GALNT17: variants seen among roughly 807,000 people sequenced by gnomAD.
The protein encoded by GALNT17 is UDP-GalNAc:polypeptide N-acetylgalactosaminyltransferase-like 3.
GALNT17 carries 29 observed loss-of-function variants against 63.7 expected under a neutral mutation model. That is an observed-to-expected ratio of 0.46 (90% confidence interval 0.34 to 0.62). The LOEUF is 0.62. Ranked by LOEUF, GALNT17 falls within the 20% of genes least tolerant of loss-of-function variation. The pLI, the probability that GALNT17 is intolerant of heterozygous loss-of-function variation, is 0.01. For synonymous variants in GALNT17, 305 were observed against 318.3 expected, an observed-to-expected ratio of 0.96 and a Z score of 0.45; for missense variants, 603 against 799.6, an observed-to-expected ratio of 0.75 and a Z score of 2.97.
chr7:71,672,208 A>G (rs1237378935), intron 8 of GALNT17, among the ~76,000 whole-genome samples: 1 of 152,194 alleles, frequency 6.6e-6, no homozygotes, highest in Non-Finnish European at 1.5e-5. Flanking sequence ...CTAAGACAAT[A>G]AGACAATTGG....
intron 4 of GALNT17, among the ~76,000 whole-genome samples, chr7:71,418,720 G>A (rs1786597614): frequency 6.6e-6 from 1 of 152,150 alleles, no homozygotes; most frequent in South Asian, 2.1e-4. Context: ...CTGGTAATAG[G>A]CAGGACATCC....
chr7:71,436,586 G>A (rs1786967137), intron 5 of GALNT17, among the ~76,000 whole-genome samples: 1 of 151,862 alleles, frequency 6.6e-6, no homozygotes, highest in Non-Finnish European at 1.5e-5. Context: ...AGGGATCGTG[G>A]CGGGCGCCTG....
chr7:71,399,329 C>T (rs574127143), intron 3 of GALNT17, among the ~76,000 whole-genome samples: 1 of 152,272 alleles, frequency 6.6e-6, no homozygotes, highest in South Asian at 2.1e-4. Context: ...TCTGGTCTGT[C>T]CATTTTACCC....
intron 1 of GALNT17, among the ~76,000 whole-genome samples, chr7:71,170,683 G>T (rs1170590542): frequency 1.3e-5 from 2 of 152,052 alleles, no homozygotes; most frequent in Non-Finnish European, 2.9e-5. Flanking sequence ...GAGTGTGTGT[G>T]TACATGTGTG....
At chr7:71,662,354 C>G (rs1790921770) in intron 6 of GALNT17, among the ~76,000 whole-genome samples, 1 of 152,056 alleles carries the variant, frequency 6.6e-6, no homozygotes. Flanking sequence ...GTCTGTCTGT[C>G]TATCTATCAT....
chr7:71,658,323 A>G (rs1790859627), intron 6 of GALNT17, among the ~76,000 whole-genome samples: 1 of 152,184 alleles, frequency 6.6e-6, no homozygotes. Flanking sequence ...ATCAATCCCC[A>G]TTGACATTCA....
intron 5 of GALNT17, among the ~76,000 whole-genome samples, chr7:71,522,170 C>T (rs1050687923): frequency 1.8e-4 from 27 of 152,104 alleles, no homozygotes; most frequent in Admixed American, 1.3e-3. Context: ...GTGCTGGAAA[C>T]GCACAGGGCT....
intron 6 of GALNT17, among the ~76,000 whole-genome samples, chr7:71,649,645 A>T (rs1213580716): frequency 6.6e-6 from 1 of 151,578 alleles, no homozygotes; most frequent in East Asian, 1.9e-4. Flanking sequence ...ACACACACAC[A>T]TACACACCTT....
chr7:71,273,262 T>C (rs1303883630), intron 1 of GALNT17, among the ~76,000 whole-genome samples: 2 of 152,216 alleles, frequency 1.3e-5, no homozygotes, highest in Non-Finnish European at 1.5e-5. Flanking sequence ...TGAAATGTTA[T>C]TGTAGACCTT....
chr7:71,318,882 C>G (rs1791549794), intron 1 of GALNT17, among the ~76,000 whole-genome samples: 1 of 152,146 alleles, frequency 6.6e-6, no homozygotes, highest in Admixed American at 6.5e-5. Flanking sequence ...CAGAGAGGAG[C>G]ATAGAATCCA....
At chr7:71,194,894 G>A (rs1789018503) in intron 1 of GALNT17, among the ~76,000 whole-genome samples, 1 of 152,142 alleles carries the variant, frequency 6.6e-6, no homozygotes, top group South Asian at 2.1e-4. Flanking sequence ...GAAATGGGGG[G>A]ACTGCCCCGG....
chr7:71,166,605 T>C (rs1023159878), intron 1 of GALNT17, among the ~76,000 whole-genome samples: 15 of 152,220 alleles, frequency 9.9e-5, no homozygotes, highest in African/African-American at 2.9e-4. Context: ...TGGAATAATA[T>C]AGCACATATT....
chr7:71,482,434 G>C (rs1236538466), intron 5 of GALNT17, among the ~76,000 whole-genome samples: 1 of 152,172 alleles, frequency 6.6e-6, no homozygotes, highest in African/African-American at 2.4e-5. Context: ...ACAGGTGTGA[G>C]CCACTGCACC....
intron 6 of GALNT17, among the ~76,000 whole-genome samples, chr7:71,609,843 G>A (rs1790099232): frequency 6.6e-6 from 1 of 151,970 alleles, no homozygotes; most frequent in Non-Finnish European, 1.5e-5. Context: ...TGTGCTATTA[G>A]TAGGTTTTAT....
chr7:71,190,624 T>C (rs1275906688), intron 1 of GALNT17, among the ~76,000 whole-genome samples: 3 of 152,072 alleles, frequency 2.0e-5, no homozygotes, highest in Non-Finnish European at 4.4e-5. Flanking sequence ...GATTTGAACT[T>C]GAATTTTAAA....
intron 1 of GALNT17, among the ~76,000 whole-genome samples, chr7:71,163,753 C>T (rs987905432): frequency 3.3e-5 from 5 of 152,074 alleles, no homozygotes; most frequent in African/African-American, 1.2e-4. Context: ...TAGATAGAGG[C>T]CAGATAGTAA....
chr7:71,666,205 G>C (rs897582744), intron 7 of GALNT17, among the ~76,000 whole-genome samples: 2 of 151,880 alleles, frequency 1.3e-5, no homozygotes, highest in Admixed American at 6.6e-5. Flanking sequence ...ATCCACAGGG[G>C]ATTTGTTCCA....
chr7:71,576,513 C>A (rs757260800), intron 6 of GALNT17, among the ~76,000 whole-genome samples: 1 of 142,734 alleles, frequency 7.0e-6, no homozygotes, highest in Non-Finnish European at 1.5e-5. Flanking sequence ...TTGCCAGCAT[C>A]TGTTGTTTTT....
intron 5 of GALNT17, among the ~76,000 whole-genome samples, chr7:71,447,025 A>G (rs1787173997): frequency 6.6e-6 from 1 of 151,948 alleles, no homozygotes; most frequent in Non-Finnish European, 1.5e-5. Flanking sequence ...CACACTACTC[A>G]TTCCTTTGCT....
Sources: allele counts gnomAD v4.1 joint callset (sites outside exome capture counted in the v4.1 genomes callset), GRCh38; gene constraint gnomAD v4.1.1; transcripts MANE v1.5; gene names NCBI Gene and HGNC (gene_info 2026-07-23, HGNC 2026-07-21).